Variants in BAZ2B observed in about 807,000 individuals in gnomAD.
The protein encoded by BAZ2B is bromodomain adjacent to zinc finger domain 2B.
BAZ2B carries 91 observed loss-of-function variants against 246.0 expected under a neutral mutation model. The ratio of observed to expected loss-of-function variants is 0.37; its 90% CI spans 0.31 to 0.44. BAZ2B has a LOEUF of 0.44. BAZ2B is among the 20% of genes least tolerant of loss of function. The pLI is 1.00. For missense variants in BAZ2B, 2,332 were observed against 2,533.7 expected, an observed-to-expected ratio of 0.92 and a Z score of 1.71; for synonymous variants, 855 against 860.0, an observed-to-expected ratio of 0.99 and a Z score of 0.10.
At chr2:159,347,282 C>T (rs1253818577) in intron 31 of BAZ2B, among the ~76,000 whole-genome samples, 1 of 152,154 alleles carries the variant, frequency 6.6e-6, no homozygotes, top group Non-Finnish European at 1.5e-5. Context: ...CACATTTAGG[C>T]ACTTACTATA....
Position 159,320,252 on chromosome 2 carries a change from GATT to G in BAZ2B, c.*10_*12del. On this transcript the variant is annotated 3_prime_UTR_variant, in exon 37 of 37. Transcript: ENST00000392783. ...TTGTTTAGAAGGAAAAAAATAAAGA[GATT>G]ATTATAACTTCAGCTCACTTTGAAA... 1 of 1,523,482 alleles carries G rather than the reference GATT, an allele frequency of 6.6e-7. No individual in the cohort carries two copies. The highest frequency in any genetic ancestry group is 8.7e-7 in the Non-Finnish European group (1 of 1,147,950). The allele number at this position is 1,523,482 out of a possible 1,614,324, so 94.4% of individuals were successfully genotyped here. A position where few individuals can be genotyped will look rare whatever the true frequency, so the allele number is the denominator to read the frequency against.
rs1286280848 is a variant in BAZ2B, at chr2:159,438,099, T to C, written c.1293+204A>G. On this transcript the variant is annotated intron_variant, in intron 8 of 36. Coordinates refer to ENST00000392783, the MANE Select transcript of BAZ2B (RefSeq NM_013450.4). ...GGGGAGCTGGAATGACATGATTGCA[T>C]TGCCAAAAATACATTAAACAGATAC... 5 of 511,024 alleles carry C rather than the reference T, an allele frequency of 9.8e-6. No individual in the cohort carries two copies. The East Asian group carries it at 1.5e-4, about 15-fold the overall frequency. The allele number at this position is 511,024 out of a possible 1,614,324, so 31.7% of individuals were successfully genotyped here.
chr2:159,431,807 T>C (rs896000866), intron 9 of BAZ2B, among the ~76,000 whole-genome samples: 5 of 150,628 alleles, frequency 3.3e-5, no homozygotes, highest in Admixed American at 6.6e-5. Flanking sequence ...AGATTAAACT[T>C]GATAAACACA....
chr2:159,321,071 T>C (rs966426405), intron 36 of BAZ2B, among the ~76,000 whole-genome samples: 1 of 152,232 alleles, frequency 6.6e-6, no homozygotes, highest in Admixed American at 6.5e-5. Flanking sequence ...GTGGCTTCTG[T>C]GCTTTTCTGG....
the BAZ2B span, among the ~76,000 whole-genome samples, chr2:159,678,451 A>C: frequency 6.6e-6 from 1 of 152,190 alleles, no homozygotes; most frequent in Non-Finnish European, 1.5e-5. Context: ...TTATTCTAAC[A>C]CCCAGAATTT....
chr2:159,386,704 T>C (rs2062696235), intron 21 of BAZ2B, 97 bp from the exon 22 acceptor site: 9 of 1,354,156 alleles, frequency 6.6e-6, no homozygotes, highest in South Asian at 3.1e-5. Flanking sequence ...TGCTACCTTT[T>C]TTCCCCTCTT....
At chr2:159,511,488 G>C (rs557625507) in intron 2 of BAZ2B, among the ~76,000 whole-genome samples, 1 of 152,172 alleles carries the variant, frequency 6.6e-6, no homozygotes, top group Non-Finnish European at 1.5e-5. Context: ...CTACAGGCGT[G>C]AGGTGTCGCG....
At chr2:159,614,394 T>TAA (rs1258425585) in intron 1 of BAZ2B, among the ~76,000 whole-genome samples, 1 of 152,214 alleles carries the variant, frequency 6.6e-6, no homozygotes, top group Non-Finnish European at 1.5e-5. Flanking sequence ...TACTAAATTT[T>TAA]AAAGTATCCA....
intron 27 of BAZ2B, among the ~76,000 whole-genome samples, chr2:159,351,858 T>G (rs894254377): frequency 1.3e-5 from 2 of 152,246 alleles, no homozygotes; most frequent in Non-Finnish European, 2.9e-5. Context: ...GTTAAAATAT[T>G]CAGTCATGAA....
At chr2:159,472,111 G>A (rs960683260) in intron 3 of BAZ2B, among the ~76,000 whole-genome samples, 1 of 152,244 alleles carries the variant, frequency 6.6e-6, no homozygotes, top group East Asian at 1.9e-4. Context: ...TTTTCCATTT[G>A]TTTGTGTCCT....
chr2:159,698,438 A>T, the BAZ2B span, among the ~76,000 whole-genome samples: 1 of 149,812 alleles, frequency 6.7e-6, no homozygotes, highest in African/African-American at 2.5e-5. Context: ...CAGGAGTTTG[A>T]GGCTGCAGTG....
chr2:159,409,974 C>A (rs1430312503), intron 14 of BAZ2B, among the ~76,000 whole-genome samples: 2 of 152,112 alleles, frequency 1.3e-5, no homozygotes, highest in Admixed American at 1.3e-4. Flanking sequence ...GAATAATTAA[C>A]TTCTACTTTG....
chr2:159,707,737 G>A, the BAZ2B span, among the ~76,000 whole-genome samples: 1 of 152,216 alleles, frequency 6.6e-6, no homozygotes, highest in Non-Finnish European at 1.5e-5. Context: ...TGAGGAAGGA[G>A]AATCGCTTGA....
chr2:159,601,429 A>AG (rs1421177138), intron 1 of BAZ2B, among the ~76,000 whole-genome samples: 1 of 1,898 alleles, frequency 5.3e-4, no homozygotes, highest in African/African-American at 5.8e-4. Flanking sequence ...GTCTCAAAAG[A>AG]AAAAAAAAAA....
intron 36 of BAZ2B, among the ~76,000 whole-genome samples, chr2:159,320,964 C>T (rs1291554261): frequency 6.6e-6 from 1 of 152,196 alleles, no homozygotes; most frequent in African/African-American, 2.4e-5. Context: ...TCTGCCCAAG[C>T]AATAGAGTAT....
chr2:159,682,631 T>A, the BAZ2B span, among the ~76,000 whole-genome samples: 2 of 152,206 alleles, frequency 1.3e-5, no homozygotes, highest in Non-Finnish European at 2.9e-5. Context: ...CTCTTGGCTA[T>A]GGAAAATAGC....
At chr2:159,387,917 C>G (rs2062829853) in intron 21 of BAZ2B, among the ~76,000 whole-genome samples, 1 of 152,010 alleles carries the variant, frequency 6.6e-6, no homozygotes. Context: ...AGTATACTCT[C>G]ATTTTTATTT....
intron 14 of BAZ2B, chr2:159,411,914 T>TG (rs1381074602): frequency 2.0e-6 from 2 of 983,902 alleles, no homozygotes; most frequent in Non-Finnish European, 2.4e-6. Context: ...TACCAGTAAT[T>TG]GGAGTTCTCT....
chr2:159,620,143 A>G (rs994732755), upstream of BAZ2B, among the ~76,000 whole-genome samples: 1 of 152,220 alleles, frequency 6.6e-6, no homozygotes, highest in African/African-American at 2.4e-5. Context: ...TTGGATGGCT[A>G]TCTAACTTAC....
Sources: gnomAD v4.1 joint callset for allele counts (sites outside exome capture counted in the v4.1 genomes callset) on GRCh38, gnomAD v4.1.1 for gene constraint, MANE v1.5 for transcripts, NCBI Gene and HGNC (gene_info 2026-07-23, HGNC 2026-07-21) for gene names.